Variants in ZBTB7C observed in about 807,000 individuals in gnomAD.
ZBTB7C encodes the protein zinc finger and BTB domain-containing protein 7C.
In ZBTB7C, 8 loss-of-function variants were observed where a neutral mutation model predicts 25.7. That is an observed-to-expected ratio of 0.31 (90% CI 0.18 to 0.56). The LOEUF (loss-of-function observed/expected upper bound fraction) is 0.56. Ranked by LOEUF, ZBTB7C falls within the 20% of genes least tolerant of loss-of-function variation. The probability of loss-of-function intolerance (pLI) is 0.91; values close to 1 mark genes in which losing one functional copy is unlikely to be tolerated. For synonymous variants in ZBTB7C, 394 were observed against 369.0 expected (o/e 1.07, Z -0.78); for missense variants, 824 against 855.2 (o/e 0.96, Z 0.46).
At chr18:48,140,500 G>A (rs1336135788) in intron 3 of ZBTB7C, among the ~76,000 whole-genome samples, 1 of 151,944 alleles carries the variant, frequency 6.6e-6, no homozygotes. Context: ...TGTGACTCTG[G>A]TGACTCAAGG....
In ZBTB7C at chr18:48,392,896, C is replaced by T. The variant is rs148055640; in HGVS notation, c.-304+16330G>A. On this transcript the variant is annotated intron_variant, in intron 1 of 4. Coordinates refer to ENST00000590800, the MANE Select transcript of ZBTB7C (RefSeq NM_001318841.2). ...AAAAAGGCCTGGAAAGCTGGGAGAC[C>T]GCGATCCAGTCTCAGCTCTACTGCT... 4.7e-3 allele frequency among the ~76,000 whole-genome samples: 714 copies of T among 152,198 alleles called. 2 individuals carry two copies. The highest frequency in any genetic ancestry group is 0.017 in the Middle Eastern group (5 of 294).
chr18:48,145,869 T>TA (rs1328828425), intron 3 of ZBTB7C, among the ~76,000 whole-genome samples: 2 of 152,250 alleles, frequency 1.3e-5, no homozygotes, highest in East Asian at 1.9e-4. Flanking sequence ...AAATATTCCT[T>TA]AAAATCTCAG....
At chr18:48,152,031 G>A (rs745521426) in intron 3 of ZBTB7C, among the ~76,000 whole-genome samples, 2 of 152,188 alleles carry the variant, frequency 1.3e-5, no homozygotes, top group African/African-American at 2.4e-5. Context: ...AGTTGACAGT[G>A]GGCAAGGGGG....
At chr18:48,412,558 C>G (rs1383881087), upstream of ZBTB7C, among the ~76,000 whole-genome samples, 1 of 151,966 alleles carries the variant, frequency 6.6e-6, no homozygotes, top group Non-Finnish European at 1.5e-5. Context: ...GATGCTGCCT[C>G]TAGAGGAGAA....
rs77388020 is a variant in ZBTB7C, at chr18:48,277,692, G to A, written c.-79+60482C>T. Reference sequence around the variant, plus strand: ...GGGAAACGGGCACTTGGGTTCAGCCGGCTTCACAGTCACGCTGGAGGCTCC... The same window carrying A: ...GGGAAACGGGCACTTGGGTTCAGCCAGCTTCACAGTCACGCTGGAGGCTCC... On this transcript the variant is annotated intron_variant, in intron 2 of 4. Coordinates refer to ENST00000590800, the MANE Select transcript of ZBTB7C (RefSeq NM_001318841.2). Among the ~76,000 whole-genome samples, 143 of 152,296 alleles carry A rather than the reference G, an allele frequency of 9.4e-4. 1 individual carries two copies. Among genetic ancestry groups the A allele is most frequent in the African/African-American group, 3.3e-3 (139 of 41,564 alleles).
At chr18:48,037,787 G>T (rs981213585) in intron 4 of ZBTB7C, among the ~76,000 whole-genome samples, 2 of 152,212 alleles carry the variant, frequency 1.3e-5, no homozygotes, top group African/African-American at 2.4e-5. Context: ...CAGTTAGGGA[G>T]GCAGAGCCTG....
intron 2 of ZBTB7C, among the ~76,000 whole-genome samples, chr18:48,191,979 C>T (rs941322190): frequency 6.6e-6 from 1 of 152,198 alleles, no homozygotes; most frequent in Admixed American, 6.5e-5. Context: ...TATATCCCCA[C>T]AAAAACCTGC....
intron 3 of ZBTB7C, among the ~76,000 whole-genome samples, chr18:48,112,252 AT>A (rs1180562314): frequency 2.3e-5 from 3 of 128,220 alleles, no homozygotes; most frequent in Admixed American, 7.8e-5. Context: ...TTCCAGTTTA[AT>A]TTTTTTCTTT....
At position 48,098,221 on chromosome 18, in the gene ZBTB7C, A is replaced by C. The variant is rs115923136; in HGVS notation, c.-16-57098T>G. 4.4e-3 allele frequency among the ~76,000 whole-genome samples: 673 copies of C among 152,318 alleles called. 6 individuals carry two copies. The highest frequency in any genetic ancestry group is 0.015 in the African/African-American group (636 of 41,580). ...GAACAATGAGTGGATTTCCCCAGGC[A>C]GAGATGTACAGGATGCACTCCAGGT... On this transcript the variant is annotated intron_variant, in intron 3 of 4. Transcript: ENST00000590800.
chr18:48,118,393 C>T (rs892745116), intron 3 of ZBTB7C, among the ~76,000 whole-genome samples: 2 of 152,102 alleles, frequency 1.3e-5, no homozygotes, highest in African/African-American at 4.8e-5. Flanking sequence ...CCCTTTTGTG[C>T]CACTGAGATG....
At chr18:48,383,053 C>T (rs757797604) in intron 1 of ZBTB7C, among the ~76,000 whole-genome samples, 4 of 152,112 alleles carry the variant, frequency 2.6e-5, no homozygotes, top group Admixed American at 6.5e-5. Context: ...CATGACATTG[C>T]GCCTGCTTCC....
At chr18:48,053,674 G>C (rs1202149699) in intron 3 of ZBTB7C, among the ~76,000 whole-genome samples, 1 of 152,188 alleles carries the variant, frequency 6.6e-6, no homozygotes, top group Admixed American at 6.5e-5. Context: ...GTCTGCAACT[G>C]TCTCTCTCAG....
intron 2 of ZBTB7C, among the ~76,000 whole-genome samples, chr18:48,238,256 T>C (rs192514991): frequency 1.1e-3 from 174 of 152,334 alleles, no homozygotes; most frequent in Non-Finnish European, 1.9e-3. Flanking sequence ...TTATGCACTT[T>C]CCTGAAAAAA....
chr18:48,294,961 C>T (rs2045345904), intron 2 of ZBTB7C, among the ~76,000 whole-genome samples: 2 of 152,138 alleles, frequency 1.3e-5, no homozygotes, highest in African/African-American at 4.8e-5. Context: ...TGCAAGCTGG[C>T]TGCAGTACAC....
Position 48,029,401 on chromosome 18 carries a change from G to T in ZBTB7C, c.1719C>A (p.Leu573=). The change falls in exon 5 of 5, where the codon CTC becomes CTA. Residue 573 remains leucine, a synonymous_variant. Coordinates refer to ENST00000590800, the MANE Select transcript of ZBTB7C (RefSeq NM_001318841.2). ...CGTTCTCGGCCAGCGCGAAGGCCAG[G>T]AGGCCCCCCGCGTTCCTCTCAGCCT... ...QLEAERNAGG[L]LAFALAENVA... 1 of 1,570,166 alleles carries T rather than the reference G, an allele frequency of 6.4e-7. No individual in the cohort carries two copies.
At position 48,367,969 on chromosome 18, in the gene ZBTB7C, GA is replaced by G. The variant is rs111445387; in HGVS notation, c.-303-29572del. On this transcript the variant is annotated intron_variant, in intron 1 of 4. Coordinates refer to ENST00000590800, the MANE Select transcript of ZBTB7C (RefSeq NM_001318841.2). ...GTGCCCCCAGCCCTCCACTGGAGGA[GA>G]AAAAAAAAAAAAGCTAAAGCAGGTT... 6.1e-3 allele frequency among the ~76,000 whole-genome samples: 833 copies of G among 137,130 alleles called. 7 individuals carry two copies. The highest frequency in any genetic ancestry group is 0.018 in the African/African-American group (672 of 37,190). 90.0% of individuals were successfully genotyped at this position (137,130 alleles called of 152,430 possible).
At chr18:48,140,140 A>G (rs2040297012) in intron 3 of ZBTB7C, among the ~76,000 whole-genome samples, 1 of 152,192 alleles carries the variant, frequency 6.6e-6, no homozygotes, top group South Asian at 2.1e-4. Context: ...AGAAGCACAT[A>G]AGCAAACATG....
chr18:48,141,141 G>GCCCCCCCCCCCCC (rs1252993151), intron 3 of ZBTB7C, among the ~76,000 whole-genome samples: 1 of 88,300 alleles, frequency 1.1e-5, no homozygotes, highest in Non-Finnish European at 2.3e-5. Context: ...CATCCCCCCC[G>GCCCCCCCCCCCCC]CACCACCCCC....
rs368676363 is a variant in ZBTB7C at position 48,029,538 on chromosome 18, G to C, written c.1582C>G (p.Pro528Ala). Residue 528 changes from proline (P) to alanine (A), a missense_variant, in exon 5 of 5, where the codon CCC becomes GCC. Pro to Ala is a conservative substitution (Grantham distance 27). Coordinates refer to ENST00000590800, the MANE Select transcript of ZBTB7C (RefSeq NM_001318841.2). ...GCCAGGAAGTGCTTGGCGGGGCTGG[G>C]GCCCGGGAGGCACACAGCTGCGCCG... is the stretch of plus-strand genomic sequence containing the variant. ...LGGAAVCLPG[P>A]SPAKHFLAAP... 1 of 1,566,290 alleles carries C rather than the reference G, an allele frequency of 6.4e-7. No individual in the cohort carries two copies. The highest frequency in any genetic ancestry group is 8.6e-7 in the Non-Finnish European group (1 of 1,166,540).
Sources: gnomAD v4.1 joint callset for allele counts (sites outside exome capture counted in the v4.1 genomes callset) on GRCh38, gnomAD v4.1.1 for gene constraint, MANE v1.5 for transcripts, NCBI Gene and HGNC (gene_info 2026-07-23, HGNC 2026-07-21) for gene names.